COL25A1: variants seen among roughly 807,000 people sequenced by gnomAD.
The protein encoded by COL25A1 is collagen alpha-1(XXV) chain.
A neutral mutation model predicts 128.4 loss-of-function variants in COL25A1; 103 were observed. That is an observed-to-expected ratio of 0.80 (90% CI 0.68 to 0.94). The LOEUF (loss-of-function observed/expected upper bound fraction) is 0.94, where lower values mean the gene tolerates loss of function less well. COL25A1 is among the 40% of genes least tolerant of loss of function. The pLI is 0.00. For synonymous variants in COL25A1, 279 were observed against 277.2 expected (o/e 1.01, Z -0.06); for missense variants, 745 against 840.0 (o/e 0.89, Z 1.40).
At chr4:109,218,357 GTTTTTTTTTTTTTTTT>G (rs34056401) in intron 3 of COL25A1, among the ~76,000 whole-genome samples, 1 of 73,530 alleles carries the variant, frequency 1.4e-5, no homozygotes, top group Non-Finnish European at 2.3e-5. Flanking sequence ...GTTTTTTGGG[GTTTTTTTTTTTTTTTT>G]TTTTTTTTTG....
At chr4:108,936,834 G>C (rs973740335) in intron 11 of COL25A1, among the ~76,000 whole-genome samples, 25 of 138,912 alleles carry the variant, frequency 1.8e-4, no homozygotes, top group African/African-American at 6.0e-4. Flanking sequence ...TTTAGAGACA[G>C]GGTCTCACCG....
intron 18 of COL25A1, among the ~76,000 whole-genome samples, chr4:108,885,281 C>T (rs1173071086): frequency 1.3e-5 from 2 of 152,156 alleles, no homozygotes; most frequent in African/African-American, 4.8e-5. Flanking sequence ...AGTAATATTA[C>T]TTTCAAATTA....
chr4:109,028,554 C>T (rs2125911940), intron 5 of COL25A1, among the ~76,000 whole-genome samples: 1 of 152,166 alleles, frequency 6.6e-6, no homozygotes, highest in Non-Finnish European at 1.5e-5. Context: ...GGTGAAACCT[C>T]ATCTCTACTA....
At chr4:109,116,967 G>A (rs1767632544) in intron 3 of COL25A1, among the ~76,000 whole-genome samples, 1 of 151,526 alleles carries the variant, frequency 6.6e-6, no homozygotes, top group African/African-American at 2.4e-5. Flanking sequence ...GAAAACTAAA[G>A]AGAAAAATGA....
chr4:109,043,135 T>A (rs939371478), intron 5 of COL25A1, among the ~76,000 whole-genome samples: 1 of 151,954 alleles, frequency 6.6e-6, no homozygotes, highest in Admixed American at 6.6e-5. Context: ...GTAAAATAGG[T>A]ATAGTAACTC....
At chr4:108,943,824 C>CAA (rs200181154) in intron 8 of COL25A1, among the ~76,000 whole-genome samples, 17,808 of 137,170 alleles carry the variant, frequency 0.13, 1,125 homozygotes, top group Non-Finnish European at 0.15. Context: ...TCCTTTTTTT[C>CAA]AAAAAAAAAA....
At chr4:108,843,410 T>G (rs1018379815) in intron 30 of COL25A1, among the ~76,000 whole-genome samples, 4 of 152,160 alleles carry the variant, frequency 2.6e-5, no homozygotes, top group African/African-American at 9.7e-5. Context: ...GAGAGACACA[T>G]GTGACCTTCT....
At chr4:109,023,338 C>A (rs1171863260) in intron 5 of COL25A1, among the ~76,000 whole-genome samples, 1 of 152,178 alleles carries the variant, frequency 6.6e-6, no homozygotes, top group Non-Finnish European at 1.5e-5. Context: ...ATCACCACAA[C>A]AAGGGAAGAA....
chr4:108,967,662 GATA>G (rs1483156153), intron 8 of COL25A1, among the ~76,000 whole-genome samples: 3 of 152,116 alleles, frequency 2.0e-5, no homozygotes, highest in Non-Finnish European at 4.4e-5. Flanking sequence ...TTTCCTCCCT[GATA>G]ATCTATCTCT....
At chr4:109,259,273 A>G (rs528038016) in intron 3 of COL25A1, among the ~76,000 whole-genome samples, 2 of 152,348 alleles carry the variant, frequency 1.3e-5, no homozygotes, top group Admixed American at 6.5e-5. Context: ...AAAAAAATCA[A>G]TGAAGGTTTT....
chr4:108,873,471 T>C (rs1739012565), intron 19 of COL25A1, among the ~76,000 whole-genome samples: 1 of 152,040 alleles, frequency 6.6e-6, no homozygotes, highest in Admixed American at 6.6e-5. Context: ...GTGCAATAAA[T>C]GCTTGTTATT....
intron 3 of COL25A1, among the ~76,000 whole-genome samples, chr4:109,280,943 T>G (rs952711369): frequency 1.3e-5 from 2 of 152,146 alleles, no homozygotes; most frequent in African/African-American, 4.8e-5. Flanking sequence ...TGTCATAATA[T>G]CTACAACTTA....
intron 5 of COL25A1, among the ~76,000 whole-genome samples, chr4:109,028,115 C>G (rs1321013259): frequency 6.6e-6 from 1 of 152,052 alleles, no homozygotes; most frequent in Non-Finnish European, 1.5e-5. Flanking sequence ...TTTCAAAATT[C>G]ATTTATTTAT....
chr4:109,238,490 T>C (rs1007328089), intron 3 of COL25A1, among the ~76,000 whole-genome samples: 3 of 152,090 alleles, frequency 2.0e-5, no homozygotes, highest in Non-Finnish European at 4.4e-5. Flanking sequence ...GAGGGCTTAC[T>C]GCATGTGAGG....
chr4:109,253,404 G>A lies in COL25A1; in HGVS notation c.367+47179C>T, dbSNP rs1331070217. Among the ~76,000 whole-genome samples, 78 of 152,238 alleles carry A rather than the reference G, an allele frequency of 5.1e-4. 2 individuals carry two copies. The highest frequency in any genetic ancestry group is 2.1e-4 in the Non-Finnish European group (14 of 68,006). On this transcript the variant is annotated intron_variant, in intron 3 of 37. Transcript: ENST00000399132. The stretch of plus-strand genomic sequence containing the variant: ...AAGTCTGAGTTGAAAGGCAGGAGAA[G>A]ACCTATGCCCTAGCTTGAAGACAGG...
intron 3 of COL25A1, among the ~76,000 whole-genome samples, chr4:109,173,368 C>G (rs1773775371): frequency 6.6e-6 from 1 of 152,062 alleles, no homozygotes; most frequent in African/African-American, 2.4e-5. Context: ...GATCACAGGT[C>G]AAGGAATTCT....
At chr4:109,035,595 T>C (rs186701694) in intron 5 of COL25A1, among the ~76,000 whole-genome samples, 1 of 152,310 alleles carries the variant, frequency 6.6e-6, no homozygotes, top group Admixed American at 6.5e-5. Context: ...AATTTCCTAC[T>C]TTTTAAGGAT....
chr4:109,057,421 A>ATTTTTTTTTTTTT lies in COL25A1; in HGVS notation c.368-7255_368-7243dup, dbSNP rs776941019. 9.2e-3 allele frequency among the ~76,000 whole-genome samples: 187 copies of ATTTTTTTTTTTTT among 20,250 alleles called. 17 individuals are homozygous for ATTTTTTTTTTTTT. The highest frequency in any genetic ancestry group is 0.019 in the East Asian group (8 of 422). 13.3% of individuals were successfully genotyped at this position (20,250 alleles called of 152,430 possible). On this transcript the variant is annotated intron_variant, in intron 3 of 37. Transcript: ENST00000399132. Reference sequence around the variant, plus strand: ...TAGCTGGGACCACCATGCCTAGCTAATTTTTTTTTTTTTTTTTTTTTTTTT... The same window carrying ATTTTTTTTTTTTT: ...TAGCTGGGACCACCATGCCTAGCTAATTTTTTTTTTTTTTTTTTTTTTTTTTTTTTTTTTTTTT...
intron 3 of COL25A1, among the ~76,000 whole-genome samples, chr4:109,263,108 G>T (rs1182577939): frequency 6.6e-6 from 1 of 150,496 alleles, no homozygotes; most frequent in Non-Finnish European, 1.5e-5. Flanking sequence ...CAGCCTGGGC[G>T]ACAGAGCAAG....
Sources: allele counts gnomAD v4.1 joint callset (sites outside exome capture counted in the v4.1 genomes callset), GRCh38; gene constraint gnomAD v4.1.1; transcripts MANE v1.5; gene names NCBI Gene and HGNC (gene_info 2026-07-23, HGNC 2026-07-21).